Variants in ANKS1B observed in about 807,000 individuals in gnomAD.
ANKS1B encodes ankyrin repeat and sterile alpha motif domain-containing protein 1B.
Under a neutral mutation model 148.3 loss-of-function variants are expected in ANKS1B, and 36 were observed. The ratio of observed to expected loss-of-function variants is 0.24; its 90% CI spans 0.19 to 0.32. The LOEUF is 0.32. Ranked by LOEUF, ANKS1B falls within the 10% of genes least tolerant of loss-of-function variation. The pLI is 1.00. For synonymous variants in ANKS1B, 542 were observed against 560.8 expected (o/e 0.97, Z 0.47); for missense variants, 1,157 against 1,542.6 (o/e 0.75, Z 4.19).
Position 99,276,954 on chromosome 12 carries a change from C to G in ANKS1B, c.1757-30090G>C, listed in dbSNP as rs561173617. ...TCCTTAATATTTTATTAGATAAACA[C>G]TGTGACCCCTTTTTGAAGTCACCTA... is the stretch of plus-strand genomic sequence containing the variant. On this transcript the variant is annotated intron_variant, in intron 12 of 26. Coordinates refer to ENST00000683438, the MANE Select transcript of ANKS1B (RefSeq NM_001352186.2). 6.6e-5 allele frequency among the ~76,000 whole-genome samples: 10 copies of G among 152,304 alleles called. No individual in the cohort carries two copies. The East Asian group carries it at 1.7e-3, about 26-fold the overall frequency.
At chr12:99,206,847 A>G (rs2082729030) in intron 14 of ANKS1B, among the ~76,000 whole-genome samples, 2 of 152,202 alleles carry the variant, frequency 1.3e-5, no homozygotes, top group Admixed American at 1.3e-4. Flanking sequence ...CTATTTGGAA[A>G]CTTTTTGTAA....
At chr12:99,369,015 T>C (rs1011009159) in intron 12 of ANKS1B, among the ~76,000 whole-genome samples, 1 of 152,070 alleles carries the variant, frequency 6.6e-6, no homozygotes, top group Non-Finnish European at 1.5e-5. Flanking sequence ...TACGTGAAAG[T>C]TCACTGGGGA....
At chr12:99,222,884 A>T (rs1482533312) in intron 14 of ANKS1B, among the ~76,000 whole-genome samples, 1 of 152,160 alleles carries the variant, frequency 6.6e-6, no homozygotes, top group Admixed American at 6.5e-5. Context: ...TGGGACTTGG[A>T]AAAATTCTTT....
At chr12:99,691,070 G>A (rs1335761788) in intron 8 of ANKS1B, among the ~76,000 whole-genome samples, 1 of 152,200 alleles carries the variant, frequency 6.6e-6, no homozygotes, top group Non-Finnish European at 1.5e-5. Flanking sequence ...CAAGGCTTGG[G>A]GCTTGCACCC....
intron 17 of ANKS1B, among the ~76,000 whole-genome samples, chr12:99,039,069 C>T (rs1354181425): frequency 1.3e-5 from 2 of 152,208 alleles, no homozygotes; most frequent in African/African-American, 2.4e-5. Context: ...CAGTGCTTGG[C>T]ATATAGTAGG....
chr12:99,809,733 G>A (rs1017317220), intron 3 of ANKS1B, among the ~76,000 whole-genome samples: 1 of 152,022 alleles, frequency 6.6e-6, no homozygotes, highest in Non-Finnish European at 1.5e-5. Context: ...ATATTAAAAT[G>A]TAGAATAGAA....
chr12:98,745,869 A>C lies in ANKS1B; in HGVS notation c.3748-20T>G. 6.2e-7 allele frequency: 1 copy of C among 1,608,666 alleles called. No individual in the cohort carries two copies. The highest frequency in any genetic ancestry group is 8.5e-7 in the Non-Finnish European group (1 of 1,177,602). ...GATCTGCTTTAAAACAGAAAGGCTGATGCCTGTTATACGGTCGCCGCGCGG... is the reference window on the plus strand; with the variant it reads ...GATCTGCTTTAAAACAGAAAGGCTGCTGCCTGTTATACGGTCGCCGCGCGG... On this transcript the variant is annotated intron_variant, in intron 26 of 26. Transcript: ENST00000683438.
intron 20 of ANKS1B, among the ~76,000 whole-genome samples, chr12:98,803,758 C>G (rs540642590): frequency 2.0e-5 from 3 of 152,188 alleles, no homozygotes; most frequent in Non-Finnish European, 4.4e-5. Context: ...AAACATTTCA[C>G]GTGTTAGTAC....
At chr12:99,060,700 C>CACATAT (rs1555202206) in intron 16 of ANKS1B, among the ~76,000 whole-genome samples, 6 of 50,978 alleles carry the variant, frequency 1.2e-4, no homozygotes, top group African/African-American at 2.1e-4. Context: ...CACACACACA[C>CACATAT]ATATATATAG....
At chr12:98,774,455 T>G (rs923007548) in intron 24 of ANKS1B, among the ~76,000 whole-genome samples, 1 of 152,362 alleles carries the variant, frequency 6.6e-6, no homozygotes, top group South Asian at 2.1e-4. Flanking sequence ...CGAAGCAGCT[T>G]GGCTGCAAAC....
At chr12:99,527,484 T>C (rs893530102) in intron 9 of ANKS1B, among the ~76,000 whole-genome samples, 1 of 152,226 alleles carries the variant, frequency 6.6e-6, no homozygotes, top group Non-Finnish European at 1.5e-5. Context: ...GGATCACTTG[T>C]TAGTAATCCG....
chr12:98,838,424 A>G (rs1199063163), intron 17 of ANKS1B, among the ~76,000 whole-genome samples: 1 of 151,918 alleles, frequency 6.6e-6, no homozygotes, highest in Non-Finnish European at 1.5e-5. Flanking sequence ...GGAAAATCAC[A>G]AACCCACATA....
chr12:99,786,344 A>G (rs1016189888), intron 4 of ANKS1B, among the ~76,000 whole-genome samples: 6 of 152,152 alleles, frequency 3.9e-5, no homozygotes, highest in African/African-American at 7.2e-5. Context: ...CTGTCAACCA[A>G]TGCTAGACTA....
chr12:99,772,548 T>C (rs2063292370), intron 8 of ANKS1B, among the ~76,000 whole-genome samples: 1 of 152,078 alleles, frequency 6.6e-6, no homozygotes, highest in South Asian at 2.1e-4. Flanking sequence ...CTCTGCTCTG[T>C]TAGTCTGAGT....
In ANKS1B at chr12:99,600,262, A is replaced by G. The variant is rs992342846; in HGVS notation, c.1272+54805T>C. ...ACTGTTAATCTTAAAAGGCTTTGGG[A>G]AAAAATTATTACTAATATTAACCCT... On this transcript the variant is annotated intron_variant, in intron 9 of 26. Coordinates refer to ENST00000683438, the MANE Select transcript of ANKS1B (RefSeq NM_001352186.2). Among the ~76,000 whole-genome samples, 12 of 151,998 alleles carry G rather than the reference A, an allele frequency of 7.9e-5. 1 individual carries two copies. The highest frequency in any genetic ancestry group is 2.6e-4 in the Admixed American group (4 of 15,224).
rs116642274 is a variant in ANKS1B at position 98,942,820 on chromosome 12, C to T, written c.2778+110337G>A. Among the ~76,000 whole-genome samples, 466 of 152,238 alleles carry T rather than the reference C, an allele frequency of 3.1e-3. 4 individuals carry two copies. The highest frequency in any genetic ancestry group is 0.01 in the African/African-American group (425 of 41,540). On this transcript the variant is annotated intron_variant, in intron 17 of 26. Transcript: ENST00000683438. Reference sequence around the variant, plus strand: ...AAATATAAGTCGGTGTCAGAAACAACGCCAAACCTCAAAAAAGAATATTGA... The same window carrying T: ...AAATATAAGTCGGTGTCAGAAACAATGCCAAACCTCAAAAAAGAATATTGA...
intron 17 of ANKS1B, among the ~76,000 whole-genome samples, chr12:98,977,903 T>C (rs750703174): frequency 1.3e-5 from 2 of 152,156 alleles, no homozygotes; most frequent in Admixed American, 6.5e-5. Flanking sequence ...GATTCAGTAG[T>C]ATTCAATATA....
intron 8 of ANKS1B, among the ~76,000 whole-genome samples, chr12:99,669,262 T>C (rs899689744): frequency 1.3e-5 from 2 of 152,148 alleles, no homozygotes; most frequent in East Asian, 3.9e-4. Flanking sequence ...CCTTGACTTC[T>C]TGCACTCAAA....
chr12:98,765,317 T>A (rs1024617050), intron 25 of ANKS1B, among the ~76,000 whole-genome samples: 4 of 152,194 alleles, frequency 2.6e-5, no homozygotes, highest in Non-Finnish European at 5.9e-5. Context: ...CAGGCTGGAG[T>A]GCAGTGGCAC....
Sources: gnomAD v4.1 joint callset for allele counts (sites outside exome capture counted in the v4.1 genomes callset) on GRCh38, gnomAD v4.1.1 for gene constraint, MANE v1.5 for transcripts, NCBI Gene and HGNC (gene_info 2026-07-23, HGNC 2026-07-21) for gene names.